SLC28A2: variants seen among roughly 807,000 people sequenced by gnomAD.
SLC28A2 encodes the protein sodium/nucleoside cotransporter 2.
A neutral mutation model predicts 72.9 loss-of-function variants in SLC28A2; 69 were observed. The ratio of observed to expected loss-of-function variants is 0.95; its 90% CI spans 0.78 to 1.16. The LOEUF is 1.16. Ranked by LOEUF, SLC28A2 falls within the 50% of genes most tolerant of loss-of-function variation. SLC28A2 has a pLI of 0.00. For missense variants in SLC28A2, 745 were observed against 791.1 expected (o/e 0.94, Z 0.70); for synonymous variants, 296 against 294.1 (o/e 1.01, Z -0.07).
chr15:45,270,129 A>G (rs1179082186), intron 14 of SLC28A2, 66 bp from the exon 15 acceptor site: 2 of 1,076,700 alleles, frequency 1.9e-6, no homozygotes, highest in Admixed American at 1.7e-5. Flanking sequence ...TGGAACTTCT[A>G]TTGTGATTAT....
At chr15:45,273,223 G>A (rs564974111) in intron 17 of SLC28A2, among the ~76,000 whole-genome samples, 262 of 152,248 alleles carry the variant, frequency 1.7e-3, no homozygotes, top group African/African-American at 6.1e-3. Flanking sequence ...TAGGTTATAC[G>A]TAGACTTAGC....
chr15:45,267,611 T>G, intron 11 of SLC28A2, 31 bp downstream of exon 11: 1 of 1,614,062 alleles, frequency 6.2e-7, no homozygotes, highest in Non-Finnish European at 8.5e-7. Flanking sequence ...CACTCCTGGG[T>G]GAACTCGAGT....
intron 10 of SLC28A2, among the ~76,000 whole-genome samples, chr15:45,266,875 T>C (rs1900354000): frequency 6.6e-6 from 1 of 152,226 alleles, no homozygotes; most frequent in Admixed American, 6.5e-5. Context: ...TCAATGTCCT[T>C]AGCATCTAGT....
chr15:45,257,273 A>G (rs1900005905), intron 3 of SLC28A2, among the ~76,000 whole-genome samples: 1 of 152,160 alleles, frequency 6.6e-6, no homozygotes, highest in Admixed American at 6.5e-5. Flanking sequence ...CAGTACTAAA[A>G]GGTCCCTTCT....
intron 17 of SLC28A2, among the ~76,000 whole-genome samples, chr15:45,273,502 C>G (rs999780877): frequency 6.6e-6 from 1 of 152,026 alleles, no homozygotes; most frequent in Non-Finnish European, 1.5e-5. Context: ...GTGATATATG[C>G]GTGAGTGAAG....
At chr15:45,271,560 GAAAGAAAA>G (rs1347142185) in intron 15 of SLC28A2, among the ~76,000 whole-genome samples, 1 of 135,292 alleles carries the variant, frequency 7.4e-6, no homozygotes, top group Non-Finnish European at 1.6e-5. Context: ...AGGTCCTGTA[GAAAGAAAA>G]AAAGAAGAAA....
At chr15:45,267,389 G>A (rs1900370573) in intron 10 of SLC28A2, 66 bp from the exon 11 acceptor site, 2 of 1,588,298 alleles carry the variant, frequency 1.3e-6, no homozygotes, top group East Asian at 4.5e-5. Context: ...CCTGGGGCTG[G>A]GGTGGGCACA....
At chr15:45,258,491 G>C (rs566515966) in intron 3 of SLC28A2, among the ~76,000 whole-genome samples, 35 of 152,178 alleles carry the variant, frequency 2.3e-4, no homozygotes, top group African/African-American at 7.9e-4. Flanking sequence ...TTTCCTTTCA[G>C]TCAGCCTCCC....
In SLC28A2 at chr15:45,275,324, T is replaced by TA; in HGVS notation, c.1860-70dup. The TA allele has an allele frequency of 1.4e-5, 12 of 885,796 alleles. No individual in the cohort carries two copies. In the South Asian group the frequency reaches 1.6e-4, roughly 12 times the overall value. 54.9% of individuals were successfully genotyped at this position (885,796 alleles called of 1,614,324 possible). On this transcript the variant is annotated intron_variant, in intron 17 of 17. Coordinates refer to ENST00000347644, the MANE Select transcript of SLC28A2 (RefSeq NM_004212.4). ...TGTTTTTGTTTTCAGCTGCTTAGTA[T>TA]AACTTATTGATATGTTTTGTTGCTT...
chr15:45,272,645 C>T (rs774439273), intron 16 of SLC28A2, 28 bp from the exon 17 acceptor site: 3 of 1,262,794 alleles, frequency 2.4e-6, no homozygotes, highest in Non-Finnish European at 3.5e-6. Flanking sequence ...CAGATCTTCC[C>T]CTTAGTACCT....
In SLC28A2 at chr15:45,267,797, G is replaced by A. The variant is rs746351726; in HGVS notation, c.1199+1G>A. ...AGGAGGGGGTAAAGCTGCCCCGTGG[G>A]TGAGTCCAAGGAGGCATATACTTTG... On this transcript the variant is annotated splice_donor_variant, in intron 12 of 17. Coordinates refer to ENST00000347644, the MANE Select transcript of SLC28A2 (RefSeq NM_004212.4). LOFTEE classifies it high-confidence loss of function. 6.2e-7 allele frequency: 1 copy of A among 1,613,938 alleles called. No homozygotes were observed.
chr15:45,252,775 A>C (rs552341794), intron 1 of SLC28A2, among the ~76,000 whole-genome samples: 1 of 152,194 alleles, frequency 6.6e-6, no homozygotes, highest in Non-Finnish European at 1.5e-5. Context: ...GGTCTTCCCA[A>C]CTGCCTTCCT....
chr15:45,260,731 C>T (rs1174384175), intron 3 of SLC28A2, among the ~76,000 whole-genome samples: 3 of 152,170 alleles, frequency 2.0e-5, no homozygotes, highest in Non-Finnish European at 4.4e-5. Flanking sequence ...CATACCACTG[C>T]ACTCTAGCCT....
chr15:45,252,318 A>G, intron 1 of SLC28A2, 40 bp downstream of exon 1: 1 of 455,792 alleles, frequency 2.2e-6, no homozygotes, highest in South Asian at 1.5e-5. Context: ...TGCCTAATTT[A>G]CAAATTTTTA....
rs1900774624 is a variant in SLC28A2 at position 45,277,121 on chromosome 15, C to A, written c.*1608C>A. 6.6e-6 allele frequency: 1 copy of A among 151,954 alleles called. No individual in the cohort carries two copies. The highest frequency in any genetic ancestry group is 1.5e-5 in the Non-Finnish European group (1 of 68,010). The allele number at this position is 151,954 out of a possible 1,614,324, so 9.4% of individuals were successfully genotyped here. A position where few individuals can be genotyped will look rare whatever the true frequency, so the allele number is the denominator to read the frequency against. ...TAAAATTCCTATAACCAAAGGTCAGCTCTCCCACAACGAAGAATTACCTGG... is the reference window on the plus strand; with the variant it reads ...TAAAATTCCTATAACCAAAGGTCAGATCTCCCACAACGAAGAATTACCTGG... On this transcript the variant is annotated 3_prime_UTR_variant, in exon 18 of 18. Transcript: ENST00000347644.
rs1181985487 is a variant in SLC28A2 at position 45,276,880 on chromosome 15, A to G, written c.*1367A>G. The G allele has an allele frequency of 6.6e-6, 1 of 152,184 alleles. No homozygotes were observed. Among genetic ancestry groups the G allele is most frequent in the Non-Finnish European group, 1.5e-5 (1 of 68,030 alleles). The allele number at this position is 152,184 out of a possible 1,614,324, so 9.4% of individuals were successfully genotyped here. On this transcript the variant is annotated 3_prime_UTR_variant, in exon 18 of 18. Transcript: ENST00000347644. ...TAAGGAAGACTTCTAAGGAATATCC[A>G]TTTCTTAAAGGCCATTACTTTGTTG...
chr15:45,270,119 T>C (rs2140579674), intron 14 of SLC28A2, 76 bp from the exon 15 acceptor site: 1 of 999,162 alleles, frequency 1.0e-6, no homozygotes, highest in Non-Finnish European at 1.6e-6. Flanking sequence ...GTCAGTACTC[T>C]GGAACTTCTA....
At position 45,277,339 on chromosome 15, in the gene SLC28A2, C is replaced by G. The variant is rs1268637358; in HGVS notation, c.*1826C>G. 1 of 151,780 alleles carries G rather than the reference C, an allele frequency of 6.6e-6. No homozygotes were observed. Among genetic ancestry groups the G allele is most frequent in the East Asian group, 1.9e-4 (1 of 5,196 alleles). 9.4% of individuals were successfully genotyped at this position (151,780 alleles called of 1,614,324 possible). A position where few individuals can be genotyped will look rare whatever the true frequency, so the allele number is the denominator to read the frequency against. ...ACAATTCCACTCCTACATACACATT[C>G]AAAAGAATCAAAACTAAGTTCTCAA... On this transcript the variant is annotated 3_prime_UTR_variant, in exon 18 of 18. Coordinates refer to ENST00000347644, the MANE Select transcript of SLC28A2 (RefSeq NM_004212.4).
chr15:45,253,278 C>CT lies in SLC28A2; in HGVS notation c.63_64insT (p.Pro22SerfsTer13). 1 of 1,613,204 alleles carries CT rather than the reference C, an allele frequency of 6.2e-7. No homozygotes were observed. The stretch of plus-strand genomic sequence containing the variant: ...CCACAGTGGAGACTGGCACAGTGAA[C>CT]CCGGGGCTGGAGCTCATGGTAATCA... On this transcript the variant is annotated frameshift_variant, in exon 2 of 18. Transcript: ENST00000347644. LOFTEE classifies it high-confidence loss of function.
Sources: gnomAD v4.1 joint callset for allele counts (sites outside exome capture counted in the v4.1 genomes callset) on GRCh38, gnomAD v4.1.1 for gene constraint, MANE v1.5 for transcripts, NCBI Gene and HGNC (gene_info 2026-07-23, HGNC 2026-07-21) for gene names.